SGCZ: variants seen among roughly 807,000 people sequenced by gnomAD.
SGCZ encodes zeta-sarcoglycan.
In SGCZ, 40 loss-of-function variants were observed where a neutral mutation model predicts 41.3. The ratio of observed to expected loss-of-function variants is 0.97; its 90% CI spans 0.75 to 1.26. The LOEUF is 1.26. SGCZ is among the 50% of genes most tolerant of loss of function. The probability of loss-of-function intolerance (pLI) is 0.00; values close to 1 mark genes in which losing one functional copy is unlikely to be tolerated. For missense variants in SGCZ, 552 were observed against 369.8 expected, an observed-to-expected ratio of 1.49 and a Z score of -4.04; for synonymous variants, 206 against 137.5, an observed-to-expected ratio of 1.50 and a Z score of -3.49.
intron 1 of SGCZ, among the ~76,000 whole-genome samples, chr8:14,717,550 T>G (rs1809731747): frequency 1.3e-5 from 2 of 152,148 alleles, no homozygotes; most frequent in Non-Finnish European, 1.5e-5. Flanking sequence ...TCTCTAGTGA[T>G]GAGAAAGTCG....
chr8:14,282,027 C>A (rs1344903943), intron 3 of SGCZ, among the ~76,000 whole-genome samples: 1 of 152,204 alleles, frequency 6.6e-6, no homozygotes, highest in South Asian at 2.1e-4. Context: ...AACCAGTTAT[C>A]AAACCATATT....
chr8:15,048,949 T>C (rs763566502), intron 1 of SGCZ, among the ~76,000 whole-genome samples: 2 of 152,116 alleles, frequency 1.3e-5, no homozygotes, highest in Admixed American at 6.6e-5. Flanking sequence ...CCAAATAAAA[T>C]TGACCAAGAC....
intron 1 of SGCZ, among the ~76,000 whole-genome samples, chr8:15,104,670 G>A (rs370617553): frequency 1.1e-4 from 15 of 136,756 alleles, no homozygotes; most frequent in African/African-American, 1.7e-4. Flanking sequence ...GTGTAACCAC[G>A]TGTAAAACTT....
intron 1 of SGCZ, among the ~76,000 whole-genome samples, chr8:15,070,679 A>G (rs565077906): frequency 6.6e-6 from 1 of 152,190 alleles, no homozygotes; most frequent in Admixed American, 6.5e-5. Flanking sequence ...AGAGCAATTC[A>G]AGGCTCAGTG....
chr8:14,616,918 T>C (rs1806123895), intron 1 of SGCZ, among the ~76,000 whole-genome samples: 1 of 152,168 alleles, frequency 6.6e-6, no homozygotes, highest in African/African-American at 2.4e-5. Flanking sequence ...CAAAATTACC[T>C]TTAGGTTGTT....
intron 1 of SGCZ, among the ~76,000 whole-genome samples, chr8:14,624,658 C>T (rs1026136752): frequency 6.8e-6 from 1 of 146,458 alleles, no homozygotes; most frequent in African/African-American, 2.5e-5. Context: ...GAAACCTCCG[C>T]CTCCCGGGGT....
intron 4 of SGCZ, among the ~76,000 whole-genome samples, chr8:14,202,963 G>C (rs563448661): frequency 7.3e-4 from 111 of 152,228 alleles, no homozygotes; most frequent in African/African-American, 2.5e-3. Context: ...TTCCTGTGGT[G>C]TTCTCGTGAT....
At chr8:14,972,091 G>A (rs1303065574) in intron 1 of SGCZ, among the ~76,000 whole-genome samples, 1 of 152,054 alleles carries the variant, frequency 6.6e-6, no homozygotes, top group Non-Finnish European at 1.5e-5. Context: ...TCTGGAGGAT[G>A]TTATGTAGAC....
intron 1 of SGCZ, among the ~76,000 whole-genome samples, chr8:14,965,343 C>T (rs1260547553): frequency 1.3e-5 from 2 of 152,066 alleles, no homozygotes; most frequent in Non-Finnish European, 1.5e-5. Context: ...AGCTACATCC[C>T]ATTTTTGATT....
chr8:14,524,008 G>T (rs1388937563), intron 2 of SGCZ, among the ~76,000 whole-genome samples: 1 of 151,872 alleles, frequency 6.6e-6, no homozygotes, highest in Non-Finnish European at 1.5e-5. Flanking sequence ...TCATTCTGCT[G>T]TTGAAAACAT....
chr8:14,858,609 C>T (rs981392063), intron 1 of SGCZ, among the ~76,000 whole-genome samples: 2 of 152,126 alleles, frequency 1.3e-5, no homozygotes, highest in Non-Finnish European at 2.9e-5. Flanking sequence ...AGATTAGTTG[C>T]AATGTGTAAT....
intron 1 of SGCZ, among the ~76,000 whole-genome samples, chr8:14,729,182 T>G (rs1810152625): frequency 6.6e-6 from 1 of 152,174 alleles, no homozygotes; most frequent in African/African-American, 2.4e-5. Flanking sequence ...ACACCTTTCT[T>G]CCAAGGTGTT....
At chr8:14,814,211 C>A (rs1801825765) in intron 1 of SGCZ, among the ~76,000 whole-genome samples, 1 of 152,054 alleles carries the variant, frequency 6.6e-6, no homozygotes, top group Non-Finnish European at 1.5e-5. Context: ...CATCTCAGAA[C>A]AAATAAGCCA....
intron 1 of SGCZ, among the ~76,000 whole-genome samples, chr8:15,102,405 A>T (rs937176790): frequency 6.6e-6 from 1 of 152,212 alleles, no homozygotes; most frequent in African/African-American, 2.4e-5. Flanking sequence ...ATGAGTTTTT[A>T]GGGCAGTGAA....
At chr8:14,396,194 ACT>A (rs1340454587) in intron 2 of SGCZ, among the ~76,000 whole-genome samples, 1 of 151,982 alleles carries the variant, frequency 6.6e-6, no homozygotes, top group African/African-American at 2.4e-5. Flanking sequence ...TCAGTAAATA[ACT>A]CTTATATCTG....
rs900673414 is a variant in SGCZ, at chr8:14,722,663, G to C, written c.40-167737C>G. On this transcript the variant is annotated intron_variant, in intron 1 of 7. Transcript: ENST00000382080. ...TGAGAGAGAGTTGAAATTTTACACA[G>C]GTTGACTAGGGAAGACTACTGAGAT... is the stretch of plus-strand genomic sequence containing the variant. Among the ~76,000 whole-genome samples the C allele has an allele frequency of 1.1e-4, 17 of 152,158 alleles. 1 individual carries two copies. Among genetic ancestry groups the C allele is most frequent in the African/African-American group, 3.6e-4 (15 of 41,516 alleles).
In SGCZ at chr8:14,361,959, G is replaced by C. The variant is rs1336834623; in HGVS notation, c.235-37755C>G. 2.6e-5 allele frequency among the ~76,000 whole-genome samples: 4 copies of C among 152,122 alleles called. No homozygotes were observed. In the East Asian group the frequency reaches 7.7e-4, roughly 29 times the overall value. ...AGGCCCCTCAGCTGCAGGTCTGCTG[G>C]AGTTTTCTAGAGGTCAACTCCAGAC... On this transcript the variant is annotated intron_variant, in intron 2 of 7. Coordinates refer to ENST00000382080, the MANE Select transcript of SGCZ (RefSeq NM_139167.4).
chr8:15,097,879 T>TAC (rs1313193508), intron 1 of SGCZ, among the ~76,000 whole-genome samples: 1 of 39,008 alleles, frequency 2.6e-5, no homozygotes, highest in Non-Finnish European at 5.1e-5. Flanking sequence ...TATATATATA[T>TAC]ATACGTGTGT....
At chr8:14,420,535 C>A (rs1799610923) in intron 2 of SGCZ, among the ~76,000 whole-genome samples, 1 of 152,006 alleles carries the variant, frequency 6.6e-6, no homozygotes, top group Non-Finnish European at 1.5e-5. Flanking sequence ...TTTTTCTTAT[C>A]ATCTTTAATA....
Sources: allele counts gnomAD v4.1 joint callset (sites outside exome capture counted in the v4.1 genomes callset), GRCh38; gene constraint gnomAD v4.1.1; transcripts MANE v1.5; gene names NCBI Gene and HGNC (gene_info 2026-07-23, HGNC 2026-07-21).